The following SOX6 variants were observed in gnomAD, a reference collection of about 807,000 sequenced individuals.
The protein encoded by SOX6 is transcription factor SOX-6.
In SOX6, 11 loss-of-function variants were observed where a neutral mutation model predicts 97.8. That is an observed-to-expected ratio of 0.11 (90% CI 0.07 to 0.19). The LOEUF is 0.19. Among genes scored for constraint, SOX6 ranks in the 10% least tolerant of loss-of-function variants. SOX6 has a pLI of 1.00. For missense variants in SOX6, 810 were observed against 1,039.5 expected, an observed-to-expected ratio of 0.78 and a Z score of 3.04; for synonymous variants, 360 against 371.4, an observed-to-expected ratio of 0.97 and a Z score of 0.35.
At chr11:16,215,535 C>T (rs1162799965) in intron 4 of SOX6, among the ~76,000 whole-genome samples, 8 of 152,140 alleles carry the variant, frequency 5.3e-5, no homozygotes, top group Admixed American at 3.3e-4. Flanking sequence ...TAATTACTCT[C>T]ATGACTTATC....
At chr11:16,412,746 C>T (rs1858847119) in intron 1 of SOX6, among the ~76,000 whole-genome samples, 1 of 152,318 alleles carries the variant, frequency 6.6e-6, no homozygotes. Context: ...CTCCTTCTCT[C>T]TCTCAGGCAG....
intron 10 of SOX6, 44 bp from the exon 11 acceptor site, chr11:16,049,982 T>A: frequency 6.2e-7 from 1 of 1,600,252 alleles, no homozygotes; most frequent in Non-Finnish European, 8.6e-7. Context: ...AAAAGACAAA[T>A]GAAGCACATT....
chr11:16,409,348 C>T (rs1046040377), intron 1 of SOX6, among the ~76,000 whole-genome samples: 1 of 150,202 alleles, frequency 6.7e-6, no homozygotes, highest in South Asian at 2.1e-4. Flanking sequence ...GTTTATGTTT[C>T]AAAATTCTTT....
At chr11:16,340,921 T>C in intron 2 of SOX6, 91 bp downstream of exon 2, 1 of 1,565,044 alleles carries the variant, frequency 6.4e-7, no homozygotes, top group Non-Finnish European at 8.7e-7. Flanking sequence ...AAAATAACTC[T>C]AAGGTCATCT....
At chr11:16,113,420 A>C (rs1849275747) in intron 6 of SOX6, among the ~76,000 whole-genome samples, 3 of 152,200 alleles carry the variant, frequency 2.0e-5, no homozygotes, top group Admixed American at 2.0e-4. Flanking sequence ...CGTACATTAG[A>C]GTACAAACTA....
At chr11:16,438,643 G>A (rs536785630) in intron 1 of SOX6, among the ~76,000 whole-genome samples, 49 of 151,876 alleles carry the variant, frequency 3.2e-4, no homozygotes, top group Middle Eastern at 6.8e-3. Context: ...TGGTCTAATA[G>A]GATCAGGATC....
At chr11:16,138,095 A>G (rs1353504932) in intron 6 of SOX6, among the ~76,000 whole-genome samples, 1 of 152,228 alleles carries the variant, frequency 6.6e-6, no homozygotes, top group Non-Finnish European at 1.5e-5. Context: ...TACTATAGAT[A>G]CCTACCAGTA....
intron 10 of SOX6, among the ~76,000 whole-genome samples, chr11:16,051,112 A>C (rs1329542637): frequency 6.6e-6 from 1 of 152,050 alleles, no homozygotes; most frequent in Non-Finnish European, 1.5e-5. Context: ...TTAAGGGGGA[A>C]CAGAAAGAGA....
chr11:16,402,299 A>C lies in SOX6; in HGVS notation c.-4-61047T>G, dbSNP rs140845132. ...AAACTTTCAGTGATGGAACTCATAGAATTTATGATAAAATCCCGTAGAGTG... is the reference window on the plus strand; with the variant it reads ...AAACTTTCAGTGATGGAACTCATAGCATTTATGATAAAATCCCGTAGAGTG... On this transcript the variant is annotated intron_variant, in intron 1 of 15. Coordinates refer to the SOX6 transcript ENST00000396356. Among the ~76,000 whole-genome samples, 91 of 151,786 alleles carry C rather than the reference A, an allele frequency of 6.0e-4. 1 individual carries two copies. The East Asian group carries it at 0.014, about 24-fold the overall frequency.
intron 3 of SOX6, among the ~76,000 whole-genome samples, chr11:16,690,424 G>C (rs1453577870): frequency 6.6e-6 from 1 of 152,088 alleles, no homozygotes; most frequent in African/African-American, 2.4e-5. Flanking sequence ...TCAAAGCCAA[G>C]ATTTTGACTC....
At chr11:16,291,229 T>TTATATATATATATA (rs10529279) in intron 3 of SOX6, among the ~76,000 whole-genome samples, 1 of 143,592 alleles carries the variant, frequency 7.0e-6, no homozygotes, top group African/African-American at 2.7e-5. Flanking sequence ...TTCTATAAAT[T>TTATATATATATATA]TATATATATA....
chr11:16,674,303 TGA>T lies in SOX6; in HGVS notation n.429+40525_429+40526del, dbSNP rs531563056. ...AATAGAATGAAGGACAAAAACCATA[TGA>T]TTATTTCAAGTAATGCCGAAAAAGC... On this transcript the variant is annotated intron_variant and non_coding_transcript_variant, in intron 3 of 5. Coordinates refer to the SOX6 transcript ENST00000524520. 5.9e-5 allele frequency among the ~76,000 whole-genome samples: 9 copies of T among 151,598 alleles called. No homozygotes were observed. The East Asian group carries it at 1.7e-3, about 29-fold the overall frequency.
At chr11:16,180,454 G>A (rs1851318081) in intron 6 of SOX6, among the ~76,000 whole-genome samples, 1 of 151,426 alleles carries the variant, frequency 6.6e-6, no homozygotes, top group Non-Finnish European at 1.5e-5. Context: ...CATAGACTTG[G>A]TAAAAAATAT....
intron 3 of SOX6, among the ~76,000 whole-genome samples, chr11:16,713,391 T>C (rs1848195516): frequency 1.3e-5 from 2 of 152,106 alleles, no homozygotes; most frequent in African/African-American, 2.4e-5. Context: ...ACATAAATAA[T>C]TTACTTCACA....
At chr11:16,283,089 G>GTGTATATATA (rs370335142) in intron 3 of SOX6, among the ~76,000 whole-genome samples, 11 of 113,696 alleles carry the variant, frequency 9.7e-5, no homozygotes, top group African/African-American at 1.4e-4. Context: ...TATATAATTT[G>GTGTATATATA]TATATATATA....
intron 3 of SOX6, among the ~76,000 whole-genome samples, chr11:16,661,390 C>A (rs535700947): frequency 2.5e-4 from 38 of 152,150 alleles, no homozygotes; most frequent in Admixed American, 1.1e-3. Context: ...TTTCTACCCA[C>A]TCTGTCAGTC....
chr11:16,241,600 T>C (rs1469242030), intron 3 of SOX6, among the ~76,000 whole-genome samples: 3 of 152,134 alleles, frequency 2.0e-5, no homozygotes, highest in Non-Finnish European at 4.4e-5. Flanking sequence ...AAAATATTTC[T>C]GACTGCTGTT....
intron 4 of SOX6, among the ~76,000 whole-genome samples, chr11:16,561,147 G>A (rs555305606): frequency 9.9e-5 from 15 of 151,940 alleles, no homozygotes; most frequent in African/African-American, 2.2e-4. Flanking sequence ...AAGAAAGAAC[G>A]GCAGAAATAA....
At chr11:16,000,908 G>A (rs1854388146) in intron 13 of SOX6, among the ~76,000 whole-genome samples, 1 of 152,058 alleles carries the variant, frequency 6.6e-6, no homozygotes, top group African/African-American at 2.4e-5. Flanking sequence ...CCAGGCTGGA[G>A]TGCAGTGGGG....
Sources: allele counts gnomAD v4.1 joint callset (sites outside exome capture counted in the v4.1 genomes callset), GRCh38; gene constraint gnomAD v4.1.1; transcripts MANE v1.5; gene names NCBI Gene and HGNC (gene_info 2026-07-23, HGNC 2026-07-21).